KLF12: variants seen among roughly 807,000 people sequenced by gnomAD.
KLF12 encodes the protein Krueppel-like factor 12.
In KLF12, 9 loss-of-function variants were observed where a neutral mutation model predicts 37.8. The observed-to-expected ratio is 0.24, with a 90% CI of 0.14 to 0.42. The LOEUF (loss-of-function observed/expected upper bound fraction) is 0.42, where lower values mean the gene tolerates loss of function less well. Ranked by LOEUF, KLF12 falls within the 10% of genes least tolerant of loss-of-function variation. The pLI, the probability that KLF12 is intolerant of heterozygous loss-of-function variation, is 1.00. For synonymous variants in KLF12, 208 were observed against 202.1 expected (o/e 1.03, Z -0.25); for missense variants, 411 against 516.0 (o/e 0.80, Z 1.97).
intron 3 of KLF12, among the ~76,000 whole-genome samples, chr13:73,935,296 G>C (rs1395028344): frequency 6.6e-6 from 1 of 152,016 alleles, no homozygotes; most frequent in Non-Finnish European, 1.5e-5. Flanking sequence ...GCCTACTTTG[G>C]ATAGTTTTTA....
At chr13:74,168,620 A>G in the KLF12 span, among the ~76,000 whole-genome samples, 1 of 152,324 alleles carries the variant, frequency 6.6e-6, no homozygotes, top group African/African-American at 2.4e-5. Context: ...CAGTGACTGC[A>G]GTGTGTGAGC....
intron 3 of KLF12, among the ~76,000 whole-genome samples, chr13:73,924,346 T>G (rs1889274144): frequency 6.6e-6 from 1 of 152,218 alleles, no homozygotes; most frequent in Non-Finnish European, 1.5e-5. Context: ...CAACAGCATG[T>G]GCTCACTTTG....
chr13:73,715,337 C>A, intron 7 of KLF12, 31 bp downstream of exon 7: 1 of 1,597,446 alleles, frequency 6.3e-7, no homozygotes. Context: ...CTCTCACTGG[C>A]TCACAGGTGA....
At chr13:73,712,661 C>T (rs899834001) in intron 7 of KLF12, among the ~76,000 whole-genome samples, 2 of 152,152 alleles carry the variant, frequency 1.3e-5, no homozygotes, top group African/African-American at 4.8e-5. Flanking sequence ...AAATAAGAGT[C>T]CACTGATGTG....
In KLF12 at chr13:74,088,518, G is replaced by A. The variant is rs751492596; in HGVS notation, c.-32+45221C>T. 4.6e-5 allele frequency among the ~76,000 whole-genome samples: 7 copies of A among 152,228 alleles called. No homozygotes were observed. In the East Asian group the frequency reaches 7.7e-4, roughly 17 times the overall value. On this transcript the variant is annotated intron_variant, in intron 1 of 7. Transcript: ENST00000377669. ...GCTGGGATTGCAGGCATAAGCCACC[G>A]TGCCGAGCCCTAGATCTTTCAACTC...
At chr13:73,808,702 C>T (rs769321213) in intron 5 of KLF12, among the ~76,000 whole-genome samples, 59 of 152,122 alleles carry the variant, frequency 3.9e-4, no homozygotes, top group Non-Finnish European at 5.9e-4. Context: ...GGAATGTTCA[C>T]GCTATATAAA....
intron 1 of KLF12, among the ~76,000 whole-genome samples, chr13:74,102,468 C>A (rs1206474151): frequency 6.6e-6 from 1 of 151,914 alleles, no homozygotes; most frequent in Non-Finnish European, 1.5e-5. Flanking sequence ...GAGGCTGAGG[C>A]GAGCGGATCA....
intron 2 of KLF12, among the ~76,000 whole-genome samples, chr13:73,983,045 G>C (rs1305602192): frequency 6.6e-6 from 1 of 150,958 alleles, no homozygotes; most frequent in Non-Finnish European, 1.5e-5. Context: ...TCATCCTCTT[G>C]TTCAAATATT....
intron 1 of KLF12, among the ~76,000 whole-genome samples, chr13:74,033,534 A>T (rs1893168333): frequency 6.6e-6 from 1 of 152,226 alleles, no homozygotes. Context: ...ATGTTACTAT[A>T]GATCCTTGAC....
Position 73,877,537 on chromosome 13 carries a change from T to C in KLF12, c.124-31164A>G, listed in dbSNP as rs1320884069. ...GTGACCACACAGCTTTATGTGGACA[T>C]TGTCTATCAGCATTTTGAAAATATT... is the stretch of plus-strand genomic sequence containing the variant. On this transcript the variant is annotated intron_variant, in intron 3 of 7. Coordinates refer to ENST00000377669, the MANE Select transcript of KLF12 (RefSeq NM_007249.5). 2.6e-5 allele frequency among the ~76,000 whole-genome samples: 4 copies of C among 152,322 alleles called. No homozygotes were observed. The East Asian group carries it at 5.8e-4, about 22-fold the overall frequency.
intron 3 of KLF12, among the ~76,000 whole-genome samples, chr13:73,868,748 A>G (rs1886323110): frequency 6.6e-6 from 1 of 152,206 alleles, no homozygotes; most frequent in South Asian, 2.1e-4. Flanking sequence ...AAATTCTAAA[A>G]AACAGAACTG....
chr13:74,044,560 T>C (rs1893489829), intron 1 of KLF12, among the ~76,000 whole-genome samples: 1 of 152,030 alleles, frequency 6.6e-6, no homozygotes. Context: ...GAGTTACCAA[T>C]GGCAAGCTGG....
chr13:74,270,235 ACT>A, the KLF12 span, among the ~76,000 whole-genome samples: 1 of 151,872 alleles, frequency 6.6e-6, no homozygotes, highest in African/African-American at 2.4e-5. Flanking sequence ...TTCATGGCAG[ACT>A]CCTAGGTAAT....
At chr13:73,941,043 C>A (rs1345976591) in intron 3 of KLF12, among the ~76,000 whole-genome samples, 7 of 152,198 alleles carry the variant, frequency 4.6e-5, no homozygotes, top group Non-Finnish European at 1.0e-4. Flanking sequence ...ATGCTGTGTG[C>A]AGCCTGAGAT....
At chr13:74,159,194 C>T in the KLF12 span, among the ~76,000 whole-genome samples, 1 of 152,202 alleles carries the variant, frequency 6.6e-6, no homozygotes, top group African/African-American at 2.4e-5. Flanking sequence ...CCTGTGCCCA[C>T]ATGTGCCCAT....
chr13:74,173,622 T>C, the KLF12 span, among the ~76,000 whole-genome samples: 1 of 152,204 alleles, frequency 6.6e-6, no homozygotes, highest in African/African-American at 2.4e-5. Context: ...GATCCCTGCA[T>C]TACCAGATGG....
rs973577739 is a variant in KLF12 at position 73,813,047 on chromosome 13, T to G, written c.806+105A>C. Reference sequence around the variant, plus strand: ...GAAAAGCTGCTGACATTCGTGCCAGTTCACAGCTAGAATGACATGGCTGGG... The same window carrying G: ...GAAAAGCTGCTGACATTCGTGCCAGGTCACAGCTAGAATGACATGGCTGGG... On this transcript the variant is annotated intron_variant, in intron 5 of 7. Coordinates refer to ENST00000377669, the MANE Select transcript of KLF12 (RefSeq NM_007249.5). 29 of 1,245,324 alleles carry G rather than the reference T, an allele frequency of 2.3e-5. No individual in the cohort carries two copies. The African/African-American group carries it at 4.2e-4, about 18-fold the overall frequency. The allele number at this position is 1,245,324 out of a possible 1,614,324, so 77.1% of individuals were successfully genotyped here.
chr13:73,987,395 CTCAG>C (rs1269497941), intron 2 of KLF12, among the ~76,000 whole-genome samples: 3 of 151,990 alleles, frequency 2.0e-5, no homozygotes, highest in East Asian at 1.9e-4. Context: ...CTATAATGTT[CTCAG>C]TAAGTAAAAA....
chr13:74,063,911 T>C (rs544982883), intron 1 of KLF12, among the ~76,000 whole-genome samples: 1 of 152,314 alleles, frequency 6.6e-6, no homozygotes, highest in South Asian at 2.1e-4. Flanking sequence ...AGCTGCCCTT[T>C]GATTCCAAAA....
Sources: gnomAD v4.1 joint callset for allele counts (sites outside exome capture counted in the v4.1 genomes callset) on GRCh38, gnomAD v4.1.1 for gene constraint, MANE v1.5 for transcripts, NCBI Gene and HGNC (gene_info 2026-07-23, HGNC 2026-07-21) for gene names.